The following COL23A1 variants were observed in gnomAD, a reference collection of about 807,000 sequenced individuals.
The protein encoded by COL23A1 is collagen alpha-1(XXIII) chain.
Under a neutral mutation model 99.3 loss-of-function variants are expected in COL23A1, and 97 were observed. That is an observed-to-expected ratio of 0.98 (90% CI 0.83 to 1.16). COL23A1 has a LOEUF of 1.16. Among genes scored for constraint, COL23A1 ranks in the 50% most tolerant of loss-of-function variants. COL23A1 has a pLI of 0.00. For synonymous variants in COL23A1, 320 were observed against 308.2 expected, an observed-to-expected ratio of 1.04 and a Z score of -0.40; for missense variants, 762 against 757.4, an observed-to-expected ratio of 1.01 and a Z score of -0.07.
intron 2 of COL23A1, among the ~76,000 whole-genome samples, chr5:178,533,466 A>C (rs1284401701): frequency 6.6e-6 from 1 of 152,140 alleles, no homozygotes; most frequent in Non-Finnish European, 1.5e-5. Context: ...TCAGCATGAC[A>C]TCCTCAAGCT....
chr5:178,567,797 A>G (rs529055231), intron 1 of COL23A1, among the ~76,000 whole-genome samples: 1 of 152,354 alleles, frequency 6.6e-6, no homozygotes, highest in East Asian at 1.9e-4. Flanking sequence ...AACGCAAAGA[A>G]TAAATTAAAT....
At chr5:178,407,228 G>T (rs1764812771) in intron 2 of COL23A1, among the ~76,000 whole-genome samples, 1 of 152,196 alleles carries the variant, frequency 6.6e-6, no homozygotes. Flanking sequence ...CTTCCCAATA[G>T]TAACAAGGAG....
chr5:178,329,678 C>T lies in COL23A1; in HGVS notation c.362-22759G>A, dbSNP rs181116798. Among the ~76,000 whole-genome samples, 673 of 152,320 alleles carry T rather than the reference C, an allele frequency of 4.4e-3. 5 individuals carry two copies. The highest frequency in any genetic ancestry group is 0.015 in the African/African-American group (628 of 41,588). On this transcript the variant is annotated intron_variant, in intron 2 of 28. Transcript: ENST00000390654. ...ACACATGGCTGGGCCCAGTGGCTCACGCCTGTAATCCCAGGACCGGGAGGC... is the reference window on the plus strand; with the variant it reads ...ACACATGGCTGGGCCCAGTGGCTCATGCCTGTAATCCCAGGACCGGGAGGC...
intron 2 of COL23A1, among the ~76,000 whole-genome samples, chr5:178,444,564 G>GTGCTC: frequency 6.6e-6 from 1 of 152,292 alleles, no homozygotes; most frequent in East Asian, 1.9e-4. Context: ...GGAGGCCAAG[G>GTGCTC]CAGGCAGATC....
At chr5:178,515,121 C>T (rs1759432047) in intron 2 of COL23A1, among the ~76,000 whole-genome samples, 1 of 152,252 alleles carries the variant, frequency 6.6e-6, no homozygotes, top group Admixed American at 6.5e-5. Flanking sequence ...AGCTGAGCTG[C>T]AGATGGGGAG....
chr5:178,296,167 G>A (rs1289428401), intron 3 of COL23A1, among the ~76,000 whole-genome samples: 1 of 152,216 alleles, frequency 6.6e-6, no homozygotes, highest in East Asian at 1.9e-4. Context: ...GCTGCCTCCA[G>A]GGAAGCTCAG....
At chr5:178,441,124 G>A (rs1259663454) in intron 2 of COL23A1, among the ~76,000 whole-genome samples, 7 of 152,152 alleles carry the variant, frequency 4.6e-5, no homozygotes, top group African/African-American at 7.2e-5. Context: ...CCAATAAGAC[G>A]TCTACTCTGT....
chr5:178,285,506 G>T (rs1757104404), intron 5 of COL23A1, among the ~76,000 whole-genome samples: 1 of 152,214 alleles, frequency 6.6e-6, no homozygotes, highest in Non-Finnish European at 1.5e-5. Flanking sequence ...AGGTTAGAAT[G>T]ATTTCTGAAA....
intron 2 of COL23A1, among the ~76,000 whole-genome samples, chr5:178,429,212 G>A (rs1369396384): frequency 3.3e-5 from 5 of 152,030 alleles, no homozygotes; most frequent in African/African-American, 1.2e-4. Flanking sequence ...GGGAAAGGCC[G>A]GGACTCATCC....
intron 2 of COL23A1, among the ~76,000 whole-genome samples, chr5:178,463,575 C>G (rs2127908251): frequency 6.6e-6 from 1 of 152,308 alleles, no homozygotes; most frequent in Non-Finnish European, 1.5e-5. Context: ...ACCTATGAGG[C>G]AGGTATTGTT....
At chr5:178,502,484 C>G (rs1758622754) in intron 2 of COL23A1, among the ~76,000 whole-genome samples, 1 of 152,210 alleles carries the variant, frequency 6.6e-6, no homozygotes, top group African/African-American at 2.4e-5. Context: ...CACATACACT[C>G]TAAACACATG....
intron 2 of COL23A1, among the ~76,000 whole-genome samples, chr5:178,440,429 C>T (rs1766800184): frequency 6.6e-6 from 1 of 152,160 alleles, no homozygotes; most frequent in African/African-American, 2.4e-5. Flanking sequence ...AAGTCTGCAC[C>T]ACCGCTAGGA....
At chr5:178,588,305 GATGC>G (rs1764101478) in intron 1 of COL23A1, among the ~76,000 whole-genome samples, 1 of 152,204 alleles carries the variant, frequency 6.6e-6, no homozygotes, top group Admixed American at 6.5e-5. Context: ...GCCTGCCCAG[GATGC>G]CCCTCCCTCC....
chr5:178,496,669 A>G (rs1410179932), intron 2 of COL23A1, among the ~76,000 whole-genome samples: 2 of 152,246 alleles, frequency 1.3e-5, no homozygotes, highest in African/African-American at 4.8e-5. Context: ...CATGACTATG[A>G]CAAAGAGGAG....
At position 178,384,219 on chromosome 5, in the gene COL23A1, G is replaced by T. The variant is rs904870775; in HGVS notation, c.362-77300C>A. 3.3e-5 allele frequency among the ~76,000 whole-genome samples: 5 copies of T among 152,176 alleles called. No individual in the cohort carries two copies. The highest frequency in any genetic ancestry group is 1.2e-4 in the African/African-American group (5 of 41,464). On this transcript the variant is annotated intron_variant, in intron 2 of 28. Coordinates refer to ENST00000390654, the MANE Select transcript of COL23A1 (RefSeq NM_173465.4). The surrounding 1 kb of genome is among the most constrained non-coding windows in gnomAD (Gnocchi z 5.5). The stretch of plus-strand genomic sequence containing the variant: ...CAACGAGAGCAGCGTGGAGCCAGAC[G>T]CTGCTGCGAGCTGAGCTGCGATCGC...
chr5:178,323,059 G>A (rs1451240674), intron 2 of COL23A1, among the ~76,000 whole-genome samples: 1 of 152,148 alleles, frequency 6.6e-6, no homozygotes, highest in Non-Finnish European at 1.5e-5. Flanking sequence ...GATGTGGGGT[G>A]GCATGTGGCG....
intron 2 of COL23A1, among the ~76,000 whole-genome samples, chr5:178,542,660 C>A (rs1308940282): frequency 1.3e-5 from 2 of 151,966 alleles, no homozygotes. Flanking sequence ...AGAAAAAATA[C>A]CAGAGCTCTA....
intron 2 of COL23A1, among the ~76,000 whole-genome samples, chr5:178,518,469 G>A (rs1254479266): frequency 1.2e-3 from 177 of 150,158 alleles, no homozygotes; most frequent in East Asian, 8.1e-3. Flanking sequence ...CCCAGTAGGG[G>A]CGGCCGGGCA....
At chr5:178,588,165 C>CATTGTT (rs1473655511) in intron 1 of COL23A1, among the ~76,000 whole-genome samples, 10 of 152,284 alleles carry the variant, frequency 6.6e-5, no homozygotes, top group Non-Finnish European at 1.3e-4. Context: ...TCCAATAACT[C>CATTGTT]ATTGTTCAAG....
Sources: gnomAD v4.1 joint callset for allele counts (sites outside exome capture counted in the v4.1 genomes callset) on GRCh38, gnomAD v4.1.1 for gene constraint, Gnocchi (gnomAD v3.1) non-coding constraint, MANE v1.5 for transcripts, NCBI Gene and HGNC (gene_info 2026-07-23, HGNC 2026-07-21) for gene names.